The following HYDIN variants were observed in gnomAD, a reference collection of about 807,000 sequenced individuals.
The protein encoded by HYDIN is HYDIN axonemal central pair apparatus protein, also known as axonemal central pair apparatus protein HYDIN.
HYDIN carries 132 observed loss-of-function variants against 403.9 expected under a neutral mutation model. The observed-to-expected ratio is 0.33, with a 90% CI of 0.28 to 0.38. The LOEUF is 0.38. Ranked by LOEUF, HYDIN falls within the 10% of genes least tolerant of loss-of-function variation. The pLI, the probability that HYDIN is intolerant of heterozygous loss-of-function variation, is 1.00. For missense variants in HYDIN, 2,827 were observed against 5,009.5 expected, an observed-to-expected ratio of 0.56 and a Z score of 13.15; for synonymous variants, 1,202 against 1,891.7, an observed-to-expected ratio of 0.64 and a Z score of 9.46.
At chr16:70,961,600 A>T (rs1301903233) in intron 38 of HYDIN, among the ~76,000 whole-genome samples, 1 of 152,170 alleles carries the variant, frequency 6.6e-6, no homozygotes, top group African/African-American at 2.4e-5. Flanking sequence ...AGAGCTCCCT[A>T]ATGGCCCAAC....
At position 71,230,614 on chromosome 16, in the gene HYDIN, C is replaced by T. The variant is rs568650497; in HGVS notation, c.-76G>A. ...TTCTACCTCCATTCCCCGCCAAGACCCCGCGTCCAACTCACAGACCCCGCC... is the reference window on the plus strand; with the variant it reads ...TTCTACCTCCATTCCCCGCCAAGACTCCGCGTCCAACTCACAGACCCCGCC... On this transcript the variant is annotated 5_prime_UTR_variant, in exon 1 of 86. Coordinates refer to ENST00000393567, the MANE Select transcript of HYDIN (RefSeq NM_001270974.2). 4.5e-5 allele frequency: 69 copies of T among 1,536,064 alleles called. No individual in the cohort carries two copies. The South Asian group carries it at 7.5e-4, about 17-fold the overall frequency.
At chr16:71,173,718 T>A (rs2086556736) in intron 5 of HYDIN, among the ~76,000 whole-genome samples, 1 of 152,196 alleles carries the variant, frequency 6.6e-6, no homozygotes. Context: ...ATGTATATAC[T>A]GAAAAGCACA....
intron 23 of HYDIN, among the ~76,000 whole-genome samples, chr16:71,000,861 G>T (rs2144072299): frequency 6.6e-6 from 1 of 152,336 alleles, no homozygotes; most frequent in East Asian, 1.9e-4. Flanking sequence ...GTGTAAAGTG[G>T]TCTACTGCTC....
intron 22 of HYDIN, among the ~76,000 whole-genome samples, chr16:71,018,735 A>G (rs1444746192): frequency 6.6e-6 from 1 of 152,298 alleles, no homozygotes; most frequent in Non-Finnish European, 1.5e-5. Flanking sequence ...ATTTAAAGGA[A>G]GAGATTTTGA....
intron 41 of HYDIN, among the ~76,000 whole-genome samples, chr16:70,944,237 A>G (rs543560105): frequency 6.6e-5 from 10 of 152,324 alleles, no homozygotes; most frequent in African/African-American, 2.2e-4. Flanking sequence ...AGGCATGCTT[A>G]GGTACTAGGG....
intron 1 of HYDIN, among the ~76,000 whole-genome samples, chr16:71,192,395 G>C (rs1475201049): frequency 1.3e-5 from 2 of 152,088 alleles, no homozygotes; most frequent in Non-Finnish European, 2.9e-5. Flanking sequence ...TTTCCAAAGG[G>C]AAAATTTGGT....
chr16:71,186,128 T>C (rs1022459921), intron 2 of HYDIN, among the ~76,000 whole-genome samples: 1 of 151,962 alleles, frequency 6.6e-6, no homozygotes, highest in African/African-American at 2.4e-5. Context: ...AGAATAATGA[T>C]TGATTTTATT....
intron 3 of HYDIN, among the ~76,000 whole-genome samples, chr16:71,180,890 C>A (rs1011430080): frequency 3.3e-5 from 5 of 151,920 alleles, no homozygotes; most frequent in Non-Finnish European, 7.4e-5. Context: ...ACAAGGTCAA[C>A]ATATCAAAAC....
At chr16:70,996,195 C>G in intron 23 of HYDIN, among the ~76,000 whole-genome samples, 1 of 152,148 alleles carries the variant, frequency 6.6e-6, no homozygotes, top group African/African-American at 2.4e-5. Flanking sequence ...TTCTTCTGGC[C>G]CTATCTTGCT....
chr16:70,821,757 A>T (rs562041317), intron 83 of HYDIN, among the ~76,000 whole-genome samples: 9 of 152,052 alleles, frequency 5.9e-5, no homozygotes, highest in Admixed American at 2.6e-4. Context: ...CTAATTTTTT[A>T]AAAAATATCT....
intron 62 of HYDIN, among the ~76,000 whole-genome samples, chr16:70,877,494 A>G (rs2040518683): frequency 6.6e-6 from 1 of 152,232 alleles, no homozygotes; most frequent in African/African-American, 2.4e-5. Context: ...GGCACCAGGA[A>G]CTGGTTTCAT....
rs373714588 is a variant in HYDIN at position 70,879,461 on chromosome 16, C to T, written c.10393G>A (p.Val3465Met). 1.2e-5 allele frequency: 20 copies of T among 1,613,048 alleles called. No individual in the cohort carries two copies. Among genetic ancestry groups the T allele is most frequent in the African/African-American group, 5.3e-5 (4 of 74,998 alleles). The change falls in exon 62 of 86, where the codon GTG becomes ATG. Residue 3465 changes from valine (V) to methionine (M), a missense_variant. Val to Met is a conservative substitution (Grantham distance 21, BLOSUM62 1). Coordinates refer to ENST00000393567, the MANE Select transcript of HYDIN (RefSeq NM_001270974.2). Reference sequence around the variant, plus strand: ...TTCCCCTCACCAGCGATGTCAAACACGAGGCCTCGGCTCTTGGCCAGGGTG... The same window carrying T: ...TTCCCCTCACCAGCGATGTCAAACATGAGGCCTCGGCTCTTGGCCAGGGTG... ...PSTLAKSRGL[V>M]FDIAGEGNLP...
intron 1 of HYDIN, among the ~76,000 whole-genome samples, chr16:71,227,946 C>T (rs927748331): frequency 2.6e-5 from 4 of 152,152 alleles, no homozygotes; most frequent in Non-Finnish European, 4.4e-5. Context: ...CAGCATGGCA[C>T]TGGTACCAAA....
At position 70,804,531 on chromosome 16, in the gene HYDIN, CTT is replaced by C. The variant is rs943872459; in HGVS notation, c.*3047_*3048del. On this transcript the variant is annotated 3_prime_UTR_variant, in exon 86 of 86. Coordinates refer to ENST00000393567, the MANE Select transcript of HYDIN (RefSeq NM_001270974.2). ...ATCATCAGGATGTGGAAACCGCATT[CTT>C]TGGTGAATCAGCTTCTCGTGAGGTC... Among the ~76,000 whole-genome samples the C allele has an allele frequency of 1.3e-5, 2 of 152,200 alleles. No homozygotes were observed. Among genetic ancestry groups the C allele is most frequent in the African/African-American group, 4.8e-5 (2 of 41,458 alleles).
At chr16:71,174,225 C>T (rs1048209423) in intron 5 of HYDIN, among the ~76,000 whole-genome samples, 4 of 152,094 alleles carry the variant, frequency 2.6e-5, no homozygotes, top group African/African-American at 7.2e-5. Context: ...ATTATTATAA[C>T]GGAATTTTTA....
Position 70,954,483 on chromosome 16 carries a change from A to C in HYDIN, c.6316+892T>G, listed in dbSNP as rs530636600. Among the ~76,000 whole-genome samples the C allele has an allele frequency of 2.3e-4, 35 of 151,590 alleles. No homozygotes were observed. In the South Asian group the frequency reaches 7.1e-3, roughly 31 times the overall value. On this transcript the variant is annotated intron_variant, in intron 40 of 85. Transcript: ENST00000393567. ...AAAAAAAAAAAAAAGAAAGAAAGAA[A>C]GAAAACAACCCCCCTCCCCCAAACC... is the stretch of plus-strand genomic sequence containing the variant.
chr16:71,172,449 C>T (rs1201695880), intron 5 of HYDIN, among the ~76,000 whole-genome samples: 1 of 152,180 alleles, frequency 6.6e-6, no homozygotes, highest in African/African-American at 2.4e-5. Context: ...TATGATGACA[C>T]TGGCTATCAC....
intron 50 of HYDIN, among the ~76,000 whole-genome samples, chr16:70,904,478 CTTTTTTTTTTTTTTTTTTTT>C (rs76148650): frequency 1.2e-4 from 3 of 25,212 alleles, no homozygotes; most frequent in Non-Finnish European, 2.9e-4. Context: ...ACTTGAGTAA[CTTTTTTTTTTTTTTTTTTTT>C]TTTTTTTTTT....
intron 1 of HYDIN, chr16:71,203,664 A>C: frequency 2.2e-6 from 1 of 448,950 alleles, no homozygotes; most frequent in Non-Finnish European, 4.5e-6. Context: ...AGGACAGGTA[A>C]TTCCATACAC....
Sources: gnomAD v4.1 joint callset for allele counts (sites outside exome capture counted in the v4.1 genomes callset) on GRCh38, gnomAD v4.1.1 for gene constraint, MANE v1.5 for transcripts, NCBI Gene and HGNC (gene_info 2026-07-23, HGNC 2026-07-21) for gene names.